Variants in PLCZ1 observed in about 807,000 individuals in gnomAD.
PLCZ1 encodes the protein phospholipase C zeta 1, also known as 1-phosphatidylinositol 4,5-bisphosphate phosphodiesterase zeta-1.
Under a neutral mutation model 76.8 loss-of-function variants are expected in PLCZ1, and 64 were observed. The observed-to-expected ratio is 0.83, with a 90% CI of 0.68 to 1.03. The LOEUF (loss-of-function observed/expected upper bound fraction) is 1.03. Among genes scored for constraint, PLCZ1 ranks in the 50% least tolerant of loss-of-function variants. The probability of loss-of-function intolerance (pLI) is 0.00; values close to 1 mark genes in which losing one functional copy is unlikely to be tolerated. For synonymous variants in PLCZ1, 248 were observed against 230.8 expected (o/e 1.07, Z -0.68); for missense variants, 751 against 713.7 (o/e 1.05, Z -0.60).
In PLCZ1 at chr12:18,719,436, A is replaced by G. The variant is rs780736343; in HGVS notation, c.564T>C (p.Tyr188=). Residue 188 remains tyrosine, a synonymous_variant, in exon 5 of 15, where the codon TAT becomes TAC. Transcript: ENST00000266505. ...QLLGPSDLWG[Y]VSALVKGCRC... The stretch of plus-strand genomic sequence containing the variant: ...TTTAAAAATAAAATAAATACCTTAC[A>G]TATCCCCAAAGGTCACTTGGTCCCA... 1.3e-5 allele frequency: 19 copies of G among 1,479,816 alleles called. No homozygotes were observed. The highest frequency in any genetic ancestry group is 1.4e-5 in the Non-Finnish European group (16 of 1,103,470). The allele number at this position is 1,479,816 out of a possible 1,614,324, so 91.7% of individuals were successfully genotyped here. A position where few individuals can be genotyped will look rare whatever the true frequency, so the allele number is the denominator to read the frequency against.
At position 18,718,395 on chromosome 12, in the gene PLCZ1, G is replaced by A. The variant is rs181522159; in HGVS notation, c.569+1036C>T. Among the ~76,000 whole-genome samples the A allele has an allele frequency of 2.0e-5, 3 of 152,054 alleles. No homozygotes were observed. In the East Asian group the frequency reaches 5.8e-4, roughly 29 times the overall value. Reference sequence around the variant, plus strand: ...AATCAAATTATGACACTATCTTAAGGAAAATCCTTCTCAGTGCAGCTGGGA... The same window carrying A: ...AATCAAATTATGACACTATCTTAAGAAAAATCCTTCTCAGTGCAGCTGGGA... On this transcript the variant is annotated intron_variant, in intron 5 of 14. Coordinates refer to ENST00000266505, the MANE Select transcript of PLCZ1 (RefSeq NM_033123.4).
intron 7 of PLCZ1, among the ~76,000 whole-genome samples, 177 bp downstream of exon 7, chr12:18,704,989 A>G (rs1331931851): frequency 6.6e-6 from 1 of 152,172 alleles, no homozygotes; most frequent in Non-Finnish European, 1.5e-5. Context: ...ATCGAAATAT[A>G]TTCACCTAAG....
intron 12 of PLCZ1, 122 bp from the exon 13 acceptor site, chr12:18,688,340 T>TGAAAGTG: frequency 1.0e-6 from 1 of 999,660 alleles, no homozygotes; most frequent in Non-Finnish European, 1.4e-6. Flanking sequence ...CCACAAACAT[T>TGAAAGTG]GAAAGTGGAA....
At chr12:18,737,245 CAA>C (rs1959451614) in intron 2 of PLCZ1, 114 bp downstream of exon 2, 1 of 1,132,698 alleles carries the variant, frequency 8.8e-7, no homozygotes, top group Admixed American at 1.7e-5. Flanking sequence ...AAAAGCAGTT[CAA>C]CTTAAATGAA....
intron 5 of PLCZ1, among the ~76,000 whole-genome samples, chr12:18,718,171 T>G (rs1167316979): frequency 1.3e-5 from 2 of 152,156 alleles, no homozygotes; most frequent in Non-Finnish European, 2.9e-5. Flanking sequence ...ATTTTCAACT[T>G]AAGATATTTT....
At chr12:18,683,729 A>G (rs1259342503) in intron 14 of PLCZ1, 3 of 845,500 alleles carry the variant, frequency 3.5e-6, no homozygotes, top group Non-Finnish European at 5.2e-6. Flanking sequence ...GTCAGCCCTG[A>G]AAAGGGGTCA....
chr12:18,672,058 C>T, the PLCZ1 span, among the ~76,000 whole-genome samples: 15,868 of 152,084 alleles, frequency 0.1, 1,060 homozygotes, highest in African/African-American at 0.19. Flanking sequence ...TTTGAGGATT[C>T]GATTTCAGCA....
At chr12:18,653,955 C>T in the PLCZ1 span, among the ~76,000 whole-genome samples, 3 of 152,098 alleles carry the variant, frequency 2.0e-5, no homozygotes, top group Non-Finnish European at 2.9e-5. Context: ...TCCATGATTC[C>T]GATTTACCCC....
At chr12:18,707,414 T>A (rs990067825) in intron 6 of PLCZ1, among the ~76,000 whole-genome samples, 1 of 152,152 alleles carries the variant, frequency 6.6e-6, no homozygotes, top group Admixed American at 6.5e-5. Flanking sequence ...GTCACTGACA[T>A]CATTTCTCTT....
chr12:18,710,693 G>C (rs1042462454), intron 6 of PLCZ1, among the ~76,000 whole-genome samples: 1 of 152,102 alleles, frequency 6.6e-6, no homozygotes, highest in Non-Finnish European at 1.5e-5. Context: ...CAGTAAAAAT[G>C]GGCAGAGATA....
chr12:18,645,822 C>A, the PLCZ1 span, among the ~76,000 whole-genome samples: 1,221 of 152,174 alleles, frequency 8.0e-3, 8 homozygotes, highest in African/African-American at 0.028. Context: ...TTTTTAAAAA[C>A]TTACAATTTA....
At chr12:18,660,405 TC>T in the PLCZ1 span, among the ~76,000 whole-genome samples, 4 of 152,136 alleles carry the variant, frequency 2.6e-5, no homozygotes, top group Non-Finnish European at 5.9e-5. Context: ...TGCAAGCCCT[TC>T]CCTCTCCAGC....
chr12:18,704,791 G>T (rs1436010576), intron 7 of PLCZ1, among the ~76,000 whole-genome samples: 1 of 152,098 alleles, frequency 6.6e-6, no homozygotes, highest in East Asian at 1.9e-4. Flanking sequence ...AGGGGAACTT[G>T]CTACCCAGCT....
At chr12:18,647,823 A>T in the PLCZ1 span, 1 of 1,071,108 alleles carries the variant, frequency 9.3e-7, no homozygotes, top group Non-Finnish European at 1.3e-6. Flanking sequence ...CTCAAAAAAG[A>T]GATGTATTTA....
the PLCZ1 span, among the ~76,000 whole-genome samples, chr12:18,650,925 T>C: frequency 6.6e-6 from 1 of 151,466 alleles, no homozygotes; most frequent in African/African-American, 2.4e-5. Context: ...GTCTCCTCCT[T>C]TCTATGCTTA....
At chr12:18,693,252 A>G (rs1954408264) in intron 12 of PLCZ1, 3 of 1,544,274 alleles carry the variant, frequency 1.9e-6, no homozygotes, top group Non-Finnish European at 1.8e-6. Flanking sequence ...GGTGCATACC[A>G]TGATAGGGGT....
chr12:18,646,117 G>C, the PLCZ1 span, among the ~76,000 whole-genome samples: 1 of 152,134 alleles, frequency 6.6e-6, no homozygotes, highest in Non-Finnish European at 1.5e-5. Flanking sequence ...AGGGTTCTGA[G>C]ATTTTTTAAG....
At chr12:18,721,620 A>G (rs1049551216) in intron 4 of PLCZ1, among the ~76,000 whole-genome samples, 1 of 151,930 alleles carries the variant, frequency 6.6e-6, no homozygotes, top group African/African-American at 2.4e-5. Flanking sequence ...TAAAGTGCTC[A>G]TCTGTAAACT....
the PLCZ1 span, among the ~76,000 whole-genome samples, chr12:18,667,763 T>G: frequency 2.0e-5 from 3 of 152,308 alleles, no homozygotes; most frequent in Non-Finnish European, 4.4e-5. Context: ...TGAAACTCTA[T>G]AAAGTTAAGA....
Sources: gnomAD v4.1 joint callset for allele counts (sites outside exome capture counted in the v4.1 genomes callset) on GRCh38, gnomAD v4.1.1 for gene constraint, MANE v1.5 for transcripts, NCBI Gene and HGNC (gene_info 2026-07-23, HGNC 2026-07-21) for gene names.